Variants in CASK observed in about 807,000 individuals in gnomAD.
CASK encodes calcium/calmodulin dependent serine protein kinase, also known as peripheral plasma membrane protein CASK.
CASK carries 4 observed loss-of-function variants against 82.9 expected under a neutral mutation model. The ratio of observed to expected loss-of-function variants is 0.05; its 90% confidence interval spans 0.02 to 0.11. CASK has a LOEUF of 0.11. Ranked by LOEUF, CASK falls within the 10% of genes least tolerant of loss-of-function variation. The pLI is 1.00. For missense variants in CASK, 358 were observed against 720.9 expected, an observed-to-expected ratio of 0.50 and a Z score of 5.76; for synonymous variants, 259 against 253.5, an observed-to-expected ratio of 1.02 and a Z score of -0.20.
At chrX:41,778,731 T>G (rs1239891566) in intron 3 of CASK, among the ~76,000 whole-genome samples, 2 of 111,113 alleles carry the variant, frequency 1.8e-5, no homozygotes, top group African/African-American at 6.5e-5. Context: ...ATAGTTTATT[T>G]TCTCATATAG....
At chrX:41,837,953 A>T (rs1381091304) in intron 2 of CASK, among the ~76,000 whole-genome samples, 2 of 112,172 alleles carry the variant, frequency 1.8e-5, no homozygotes, top group Non-Finnish European at 3.8e-5. Flanking sequence ...ACCACTTTAT[A>T]TTCACACCAG....
chrX:41,742,646 G>A (rs1000313411), intron 4 of CASK, among the ~76,000 whole-genome samples: 9 of 111,557 alleles, frequency 8.1e-5, no homozygotes, highest in African/African-American at 1.3e-4. Context: ...TCTTGCAGTC[G>A]GTCTCACTAG....
chrX:41,870,031 A>C (rs1333256339), intron 1 of CASK, among the ~76,000 whole-genome samples: 1 of 109,248 alleles, frequency 9.2e-6, no homozygotes, highest in Non-Finnish European at 1.9e-5. Flanking sequence ...CTGGGGTCCC[A>C]GCAGGAGAGG....
At chrX:41,785,249 C>T (rs921514103) in intron 3 of CASK, among the ~76,000 whole-genome samples, 7 of 111,484 alleles carry the variant, frequency 6.3e-5, no homozygotes, top group African/African-American at 2.3e-4. Flanking sequence ...TCAAGCAATC[C>T]GCCTGCCTTG....
intron 6 of CASK, among the ~76,000 whole-genome samples, chrX:41,666,845 G>A (rs778474567): frequency 8.9e-6 from 1 of 111,885 alleles, no homozygotes; most frequent in South Asian, 3.8e-4. Flanking sequence ...ACACGAAGAA[G>A]CTGCAGGGAT....
intron 2 of CASK, among the ~76,000 whole-genome samples, chrX:41,839,016 A>C (rs1051195334): frequency 9.0e-6 from 1 of 111,669 alleles, no homozygotes; most frequent in African/African-American, 3.3e-5. Flanking sequence ...CTACGTGTCT[A>C]TCTCTCTGCC....
chrX:41,547,607 A>G (rs1226553085), intron 21 of CASK, among the ~76,000 whole-genome samples: 1 of 109,537 alleles, frequency 9.1e-6, no homozygotes. Flanking sequence ...TTGTAAATAG[A>G]ATTGATTTTC....
chrX:41,847,051 C>T (rs1317975907), intron 2 of CASK, among the ~76,000 whole-genome samples: 2 of 111,692 alleles, frequency 1.8e-5, no homozygotes, highest in African/African-American at 6.5e-5. Context: ...CAAGATACTC[C>T]CCTTGTCTGT....
intron 2 of CASK, among the ~76,000 whole-genome samples, chrX:41,827,992 T>G (rs868765366): frequency 7.1e-5 from 8 of 111,948 alleles, no homozygotes; most frequent in Non-Finnish European, 9.4e-5. Flanking sequence ...GGAAAATTAC[T>G]GACCACCTAC....
At chrX:41,720,085 A>C (rs1185584851) in intron 5 of CASK, among the ~76,000 whole-genome samples, 3 of 113,376 alleles carry the variant, frequency 2.6e-5, no homozygotes, top group African/African-American at 9.6e-5. Flanking sequence ...TACTTTTTAC[A>C]AAAGCTGATA....
chrX:41,536,179 G>A (rs749075856), intron 22 of CASK, among the ~76,000 whole-genome samples: 12 of 110,820 alleles, frequency 1.1e-4, no homozygotes, highest in African/African-American at 1.3e-4. Flanking sequence ...GTGCAGTGGC[G>A]CGATCTCGGC....
At chrX:41,552,285 A>G (rs995106727) in intron 21 of CASK, among the ~76,000 whole-genome samples, 27 of 110,073 alleles carry the variant, frequency 2.5e-4, no homozygotes, top group Non-Finnish European at 1.5e-4. Context: ...TTTGAAAAAC[A>G]TATTTTCTGC....
chrX:41,722,323 T>G (rs954514701), intron 5 of CASK, among the ~76,000 whole-genome samples: 11 of 112,326 alleles, frequency 9.8e-5, no homozygotes, highest in Non-Finnish European at 1.9e-4. Context: ...GGGCTGGCTC[T>G]GTGTGACCAA....
intron 5 of CASK, among the ~76,000 whole-genome samples, chrX:41,735,716 C>T (rs928577396): frequency 3.9e-4 from 43 of 110,753 alleles, no homozygotes; most frequent in African/African-American, 1.3e-3. Flanking sequence ...TACTTGTGTT[C>T]CTGTCTTTCG....
At chrX:41,656,603 G>A (rs2066944404) in intron 8 of CASK, among the ~76,000 whole-genome samples, 1 of 111,178 alleles carries the variant, frequency 9.0e-6, no homozygotes, top group South Asian at 3.8e-4. Flanking sequence ...GTCTAAAACA[G>A]GGGGAGATGA....
In CASK at chrX:41,839,790, T is replaced by C. The variant is rs1274910866; in HGVS notation, c.172+13325A>G. On this transcript the variant is annotated intron_variant, in intron 2 of 26. Transcript: ENST00000378163. ...AGGTCTATGTCTAAATTCATTTTTA[T>C]TCAAGTGGATGTCCAGTTGTTCTGG... 2.7e-5 allele frequency among the ~76,000 whole-genome samples: 3 copies of C among 112,070 alleles called. No homozygotes were observed. The South Asian group carries it at 1.1e-3, about 41-fold the overall frequency.
rs766686046 is a variant in CASK, at chrX:41,804,341, C to T, written c.173-17058G>A. On this transcript the variant is annotated intron_variant, in intron 2 of 26. Transcript: ENST00000378163. Reference sequence around the variant, plus strand: ...CCAGCCTGGGTGACAGAGGGAGATTCCATCTTAAAAACAAACAACCAACCA... The same window carrying T: ...CCAGCCTGGGTGACAGAGGGAGATTTCATCTTAAAAACAAACAACCAACCA... Among the ~76,000 whole-genome samples, 105 of 111,245 alleles carry T rather than the reference C, an allele frequency of 9.4e-4. 1 individual carries two copies. The Middle Eastern group carries it at 0.023, about 25-fold the overall frequency.
chrX:41,878,374 G>A lies in CASK; in HGVS notation c.60-25147C>T, dbSNP rs769853815. On this transcript the variant is annotated intron_variant, in intron 1 of 26. Transcript: ENST00000378163. ...ATAAGGGTGATGCCAGTCCAAGGCTGGGCAGATGTCCTCAACAGAAGTGTT... is the reference window on the plus strand; with the variant it reads ...ATAAGGGTGATGCCAGTCCAAGGCTAGGCAGATGTCCTCAACAGAAGTGTT... Among the ~76,000 whole-genome samples the A allele has an allele frequency of 8.1e-5, 9 of 111,346 alleles. No individual in the cohort carries two copies. The South Asian group carries it at 3.4e-3, about 42-fold the overall frequency.
chrX:41,570,010 C>CTTTTTTTT (rs397937722), intron 15 of CASK, among the ~76,000 whole-genome samples: 996 of 70,412 alleles, frequency 0.014, 7 homozygotes, highest in East Asian at 0.039. Context: ...TTTCTTTTTT[C>CTTTTTTTT]TTTTTTTTTT....
Sources: allele counts gnomAD v4.1 joint callset (sites outside exome capture counted in the v4.1 genomes callset), GRCh38; gene constraint gnomAD v4.1.1; transcripts MANE v1.5; gene names NCBI Gene and HGNC (gene_info 2026-07-23, HGNC 2026-07-21).